The following SMCO4 variants were observed in gnomAD, a reference collection of about 807,000 sequenced individuals.
SMCO4 encodes single-pass membrane and coiled-coil domain-containing protein 4.
SMCO4 carries 4 observed loss-of-function variants against 3.6 expected under a neutral mutation model. The ratio of observed to expected loss-of-function variants is 1.11; its 90% CI spans 0.54 to 2.53. The LOEUF is 2.53. SMCO4 is among the 30% of genes most tolerant of loss of function. The pLI, the probability that SMCO4 is intolerant of heterozygous loss-of-function variation, is 0.02. For synonymous variants in SMCO4, 36 were observed against 35.3 expected (o/e 1.02, Z -0.07); for missense variants, 70 against 80.8 (o/e 0.87, Z 0.51).
intron 2 of SMCO4, among the ~76,000 whole-genome samples, chr11:93,488,132 T>G (rs1236063548): frequency 2.6e-5 from 4 of 152,052 alleles, no homozygotes; most frequent in Non-Finnish European, 5.9e-5. Flanking sequence ...AGGGAAGGCT[T>G]CATGAGAAAG....
At chr11:93,483,236 CTT>C (rs1053359261) in intron 2 of SMCO4, among the ~76,000 whole-genome samples, 35 of 152,070 alleles carry the variant, frequency 2.3e-4, no homozygotes, top group African/African-American at 7.5e-4. Flanking sequence ...GAAGCAATCA[CTT>C]TTGGAGGGTG....
chr11:93,511,767 CA>C (rs138274149), intron 1 of SMCO4, among the ~76,000 whole-genome samples: 2,128 of 151,236 alleles, frequency 0.014, 46 homozygotes, highest in African/African-American at 0.048. Context: ...AAATTATTGT[CA>C]AAAAAAAATT....
chr11:93,480,350 C>T lies in SMCO4; in HGVS notation c.-80-1081G>A, dbSNP rs554826075. 3.9e-5 allele frequency among the ~76,000 whole-genome samples: 6 copies of T among 152,288 alleles called. No homozygotes were observed. In the East Asian group the frequency reaches 1.2e-3, roughly 29 times the overall value. On this transcript the variant is annotated intron_variant, in intron 2 of 2. Coordinates refer to ENST00000298966, the MANE Select transcript of SMCO4 (RefSeq NM_020179.3). ...ACTGGAGCAGGAGGTGCCGAGCCACCATGACCACCCCCAAAAACTAGATGT... is the reference window on the plus strand; with the variant it reads ...ACTGGAGCAGGAGGTGCCGAGCCACTATGACCACCCCCAAAAACTAGATGT...
At position 93,505,388 on chromosome 11, in the gene SMCO4, T is replaced by TC. The variant is rs374351988; in HGVS notation, c.-153-6041dup. Among the ~76,000 whole-genome samples the TC allele has an allele frequency of 2.6e-5, 4 of 152,232 alleles. No homozygotes were observed. The East Asian group carries it at 5.8e-4, about 22-fold the overall frequency. On this transcript the variant is annotated intron_variant, in intron 1 of 2. Coordinates refer to ENST00000298966, the MANE Select transcript of SMCO4 (RefSeq NM_020179.3). Reference sequence around the variant, plus strand: ...ACACTTTCCCCAACTCTGTTTTTTTTCACTTGCTATTGTATTACCCAACCT... The same window carrying TC: ...ACACTTTCCCCAACTCTGTTTTTTTTCCACTTGCTATTGTATTACCCAACCT...
chr11:93,479,901 G>A (rs1948572296), intron 2 of SMCO4, among the ~76,000 whole-genome samples: 1 of 152,226 alleles, frequency 6.6e-6, no homozygotes, highest in East Asian at 1.9e-4. Flanking sequence ...AGAGGTCACC[G>A]TCTAGGGGGC....
upstream of SMCO4, among the ~76,000 whole-genome samples, chr11:93,548,139 T>C (rs56265092): frequency 4.9e-4 from 75 of 152,332 alleles, no homozygotes; most frequent in African/African-American, 1.7e-3. Flanking sequence ...CAGAGTTATC[T>C]GCCGATGGCT....
intron 2 of SMCO4, among the ~76,000 whole-genome samples, chr11:93,488,254 A>G (rs2134577545): frequency 6.6e-6 from 1 of 152,336 alleles, no homozygotes; most frequent in South Asian, 2.1e-4. Flanking sequence ...TCTGAGAAGC[A>G]CGCAGGGGCC....
chr11:93,512,185 G>A (rs1948963637), intron 1 of SMCO4, among the ~76,000 whole-genome samples: 1 of 152,178 alleles, frequency 6.6e-6, no homozygotes, highest in South Asian at 2.1e-4. Context: ...ACCCATGTAT[G>A]AGGTTAAATG....
At chr11:93,503,012 G>A (rs1047419717) in intron 1 of SMCO4, among the ~76,000 whole-genome samples, 1 of 152,112 alleles carries the variant, frequency 6.6e-6, no homozygotes, top group Non-Finnish European at 1.5e-5. Context: ...AGAAAGAAGA[G>A]GTACTGAGAG....
rs72966968 is a variant in SMCO4, at chr11:93,539,289, G to C, written c.-154+3987C>G. Among the ~76,000 whole-genome samples, 371 of 150,720 alleles carry C rather than the reference G, an allele frequency of 2.5e-3. 4 individuals carry two copies. Among genetic ancestry groups the C allele is most frequent in the South Asian group, 0.011 (53 of 4,792 alleles). On this transcript the variant is annotated intron_variant, in intron 1 of 2. Transcript: ENST00000298966. ...GGTAAAAAAAAAAAAATACATGCAA[G>C]ATCTAAAAATGAAGGGTCATAAATT...
chr11:93,547,723 A>T (rs1028419795), upstream of SMCO4, among the ~76,000 whole-genome samples: 18 of 152,212 alleles, frequency 1.2e-4, no homozygotes, highest in African/African-American at 4.3e-4. Flanking sequence ...CTTCTGACTT[A>T]ATCCATGTGA....
At chr11:93,549,483 C>G in the SMCO4 span, among the ~76,000 whole-genome samples, 4 of 152,152 alleles carry the variant, frequency 2.6e-5, no homozygotes, top group African/African-American at 7.2e-5. Context: ...GGGTCTCACT[C>G]TGTTGCCCAG....
intron 1 of SMCO4, among the ~76,000 whole-genome samples, chr11:93,518,726 C>A (rs368984831): frequency 6.6e-6 from 1 of 152,116 alleles, no homozygotes; most frequent in East Asian, 1.9e-4. Flanking sequence ...TGTAATTCTA[C>A]CAAATAACTA....
Position 93,500,819 on chromosome 11 carries a change from T to C in SMCO4, c.-153-1471A>G, listed in dbSNP as rs1948829357. Among the ~76,000 whole-genome samples, 3 of 152,236 alleles carry C rather than the reference T, an allele frequency of 2.0e-5. No individual in the cohort carries two copies. The South Asian group carries it at 6.2e-4, about 31-fold the overall frequency. ...TAAGTCATCAGCAAGCCGTGACCTC[T>C]ACCCTTGACAGGGTTCTTTGCCTGC... On this transcript the variant is annotated intron_variant, in intron 1 of 2. Transcript: ENST00000298966.
the SMCO4 span, among the ~76,000 whole-genome samples, chr11:93,552,478 A>ATTT: frequency 1.5e-5 from 2 of 133,788 alleles, no homozygotes; most frequent in African/African-American, 5.5e-5. Context: ...TATTATTATT[A>ATTT]TTATTATTTT....
intron 1 of SMCO4, among the ~76,000 whole-genome samples, chr11:93,512,082 T>A (rs192311041): frequency 6.6e-5 from 10 of 152,338 alleles, no homozygotes; most frequent in Non-Finnish European, 1.5e-4. Flanking sequence ...GCCAGAAATA[T>A]GCAATAGGAA....
intron 1 of SMCO4, among the ~76,000 whole-genome samples, chr11:93,514,413 T>TATATATATATATATATATACACAC (rs781423008): frequency 2.9e-5 from 1 of 33,950 alleles, no homozygotes; most frequent in African/African-American, 9.3e-5. Context: ...TATATATATA[T>TATATATATATATATATATACACAC]ATATATATAA....
chr11:93,541,493 A>T (rs745744089), intron 1 of SMCO4, among the ~76,000 whole-genome samples: 1 of 152,194 alleles, frequency 6.6e-6, no homozygotes, highest in Non-Finnish European at 1.5e-5. Flanking sequence ...CTATAATATT[A>T]TGCAATGAGA....
chr11:93,479,951 G>A (rs995606324), intron 2 of SMCO4, among the ~76,000 whole-genome samples: 6 of 152,114 alleles, frequency 3.9e-5, no homozygotes, highest in Admixed American at 1.3e-4. Context: ...GAAGGGAGAC[G>A]GCTGAGCCCA....
Sources: allele counts gnomAD v4.1 joint callset (sites outside exome capture counted in the v4.1 genomes callset), GRCh38; gene constraint gnomAD v4.1.1; transcripts MANE v1.5; gene names NCBI Gene and HGNC (gene_info 2026-07-23, HGNC 2026-07-21).